WDR27: variants seen among roughly 807,000 people sequenced by gnomAD.
WDR27 encodes WD repeat-containing protein 27.
A neutral mutation model predicts 114.4 loss-of-function variants in WDR27; 100 were observed. That is an observed-to-expected ratio of 0.87 (90% CI 0.74 to 1.03). The LOEUF (loss-of-function observed/expected upper bound fraction) is 1.03. WDR27 is among the 50% of genes least tolerant of loss of function. The pLI is 0.00. For missense variants in WDR27, 1,129 were observed against 1,092.9 expected (o/e 1.03, Z -0.47); for synonymous variants, 449 against 423.1 (o/e 1.06, Z -0.75).
intron 1 of WDR27, among the ~76,000 whole-genome samples, chr6:169,691,303 C>T (rs914073194): frequency 1.3e-5 from 2 of 152,088 alleles, no homozygotes; most frequent in Non-Finnish European, 2.9e-5. Flanking sequence ...AAAATAAAAG[C>T]ATGTGTACAT....
In WDR27 at chr6:169,613,541, G is replaced by C. The variant is rs1811112221; in HGVS notation, c.2321+18C>G. On this transcript the variant is annotated intron_variant, in intron 22 of 25. Coordinates refer to ENST00000448612, the MANE Select transcript of WDR27 (RefSeq NM_182552.5). The stretch of plus-strand genomic sequence containing the variant: ...TGAGCTCCCCACCCCTGCAGTGCAG[G>C]GCGCAGGACAGCCTTACCTCAGGGT... The C allele has an allele frequency of 1.9e-6, 3 of 1,604,866 alleles. No individual in the cohort carries two copies. Among genetic ancestry groups the C allele is most frequent in the Non-Finnish European group, 2.6e-6 (3 of 1,172,226 alleles).
intron 25 of WDR27, among the ~76,000 whole-genome samples, chr6:169,561,033 A>G (rs982190033): frequency 6.6e-6 from 1 of 152,212 alleles, no homozygotes; most frequent in Non-Finnish European, 1.5e-5. Context: ...TGTGGAATTT[A>G]GAACAAATGT....
At chr6:169,543,366 T>G (rs530469540) in intron 25 of WDR27, among the ~76,000 whole-genome samples, 1 of 152,234 alleles carries the variant, frequency 6.6e-6, no homozygotes, top group Middle Eastern at 3.4e-3. Flanking sequence ...ACAACAGTTC[T>G]TAAACATTTT....
intron 1 of WDR27, chr6:169,689,360 T>C (rs1308885712): frequency 1.1e-5 from 2 of 181,598 alleles, no homozygotes; most frequent in Non-Finnish European, 2.3e-5. Flanking sequence ...ATGATCCATG[T>C]GGCATGGGTG....
chr6:169,441,943 G>T, the WDR27 span, among the ~76,000 whole-genome samples: 6 of 148,792 alleles, frequency 4.0e-5, no homozygotes, highest in African/African-American at 1.5e-4. Flanking sequence ...AAAAGAGGAC[G>T]GCTTTGGGAA....
At chr6:169,468,780 G>C (rs1212638405) in intron 25 of WDR27, among the ~76,000 whole-genome samples, 7 of 152,126 alleles carry the variant, frequency 4.6e-5, no homozygotes, top group African/African-American at 4.8e-5. Context: ...CATAGATGGG[G>C]GGCCTAAACA....
intron 25 of WDR27, among the ~76,000 whole-genome samples, chr6:169,531,032 G>A (rs929690200): frequency 9.9e-5 from 15 of 152,150 alleles, no homozygotes; most frequent in Admixed American, 2.0e-4. Flanking sequence ...TGCCTGACAT[G>A]TTGTCTGTGT....
At chr6:169,477,745 T>G (rs1040353361) in intron 25 of WDR27, among the ~76,000 whole-genome samples, 9 of 152,312 alleles carry the variant, frequency 5.9e-5, no homozygotes, top group African/African-American at 1.7e-4. Context: ...TTTTGGCAGT[T>G]TCTTATAAAG....
rs1328648998 is a variant in WDR27 at position 169,538,167 on chromosome 6, C to G, written c.2645+34252G>C. Among the ~76,000 whole-genome samples, 3 of 152,148 alleles carry G rather than the reference C, an allele frequency of 2.0e-5. No individual in the cohort carries two copies. In the East Asian group the frequency reaches 5.8e-4, roughly 29 times the overall value. On this transcript the variant is annotated intron_variant, in intron 25 of 25. Coordinates refer to ENST00000448612, the MANE Select transcript of WDR27 (RefSeq NM_182552.5). ...TTTAAAATTTCCATAATAAAGTGTT[C>G]AAATTTGAACATTAAGTCTGGCAGG... is the stretch of plus-strand genomic sequence containing the variant.
chr6:169,605,004 G>A (rs77252461), intron 22 of WDR27, among the ~76,000 whole-genome samples: 3,240 of 144,250 alleles, frequency 0.022, 68 homozygotes, highest in East Asian at 0.096. Context: ...CTGAATGGGG[G>A]AAAATTGAAA....
intron 25 of WDR27, among the ~76,000 whole-genome samples, chr6:169,476,409 T>C (rs1388078638): frequency 6.6e-6 from 1 of 152,178 alleles, no homozygotes; most frequent in East Asian, 1.9e-4. Context: ...CTGTAAATCA[T>C]GTGCTTAATG....
chr6:169,540,311 TG>T, intron 25 of WDR27, among the ~76,000 whole-genome samples: 1 of 152,354 alleles, frequency 6.6e-6, no homozygotes, highest in East Asian at 1.9e-4. Context: ...TCTTTCACAT[TG>T]AAATCATATA....
chr6:169,467,791 G>A (rs557115755), intron 25 of WDR27, among the ~76,000 whole-genome samples: 1 of 152,322 alleles, frequency 6.6e-6, no homozygotes, highest in East Asian at 1.9e-4. Flanking sequence ...CATTACTTAT[G>A]CAAATTTCTG....
At chr6:169,686,072 C>T (rs1262628066) in intron 2 of WDR27, among the ~76,000 whole-genome samples, 2 of 152,152 alleles carry the variant, frequency 1.3e-5, no homozygotes, top group Admixed American at 6.5e-5. Flanking sequence ...AAATAAACTT[C>T]CAGCCAAGAA....
intron 22 of WDR27, among the ~76,000 whole-genome samples, chr6:169,610,280 T>C (rs947789861): frequency 6.6e-6 from 1 of 152,170 alleles, no homozygotes; most frequent in African/African-American, 2.4e-5. Flanking sequence ...CGATTTACTG[T>C]ATTAGTCTGT....
In WDR27 at chr6:169,643,813, T is replaced by G. The variant is rs957520672; in HGVS notation, c.1658-27A>C. ...TGTTAAAAGAATTTTAAAAAAAGAC[T>G]TCTTAGAAAAGCCTAATTCATAGGA... is the stretch of plus-strand genomic sequence containing the variant. On this transcript the variant is annotated intron_variant, in intron 16 of 25. Transcript: ENST00000448612. The G allele has an allele frequency of 4.2e-5, 67 of 1,589,208 alleles. No homozygotes were observed. In the Middle Eastern group the frequency reaches 1.2e-3, roughly 28 times the overall value.
chr6:169,676,758 G>T (rs150677988), intron 2 of WDR27, among the ~76,000 whole-genome samples: 356 of 152,146 alleles, frequency 2.3e-3, no homozygotes, highest in Non-Finnish European at 4.0e-3. Context: ...GAAAATTATC[G>T]AATCCACCTA....
chr6:169,563,131 A>G (rs1182885575), intron 25 of WDR27, among the ~76,000 whole-genome samples: 1 of 152,096 alleles, frequency 6.6e-6, no homozygotes, highest in African/African-American at 2.4e-5. Flanking sequence ...GACCCCAGAG[A>G]AACCCGCACA....
intron 24 of WDR27, among the ~76,000 whole-genome samples, chr6:169,581,024 C>T (rs7752938): frequency 0.41 from 60,731 of 149,418 alleles, 14,399 homozygotes; most frequent in East Asian, 0.85. Context: ...TATACGTATA[C>T]ATAACTGGTT....
Sources: allele counts gnomAD v4.1 joint callset (sites outside exome capture counted in the v4.1 genomes callset), GRCh38; gene constraint gnomAD v4.1.1; transcripts MANE v1.5; gene names NCBI Gene and HGNC (gene_info 2026-07-23, HGNC 2026-07-21).